Variants in FTO observed in about 807,000 individuals in gnomAD.
The protein encoded by FTO is FTO alpha-ketoglutarate dependent dioxygenase, also known as alpha-ketoglutarate-dependent dioxygenase FTO.
A neutral mutation model predicts 63.9 loss-of-function variants in FTO; 47 were observed. The observed-to-expected ratio is 0.74, with a 90% CI of 0.58 to 0.94. FTO has a LOEUF of 0.94. Ranked by LOEUF, FTO falls within the 40% of genes least tolerant of loss-of-function variation. FTO has a pLI of 0.00. For synonymous variants in FTO, 207 were observed against 224.4 expected (o/e 0.92, Z 0.69); for missense variants, 562 against 618.1 (o/e 0.91, Z 0.96).
intron 1 of FTO, among the ~76,000 whole-genome samples, chr16:53,718,993 C>T (rs1186494856): frequency 1.3e-5 from 2 of 152,096 alleles, no homozygotes; most frequent in East Asian, 3.8e-4. Context: ...ATTCAAGCTA[C>T]AGTTTGTAAA....
At chr16:54,014,450 G>A (rs1185860504) in intron 8 of FTO, among the ~76,000 whole-genome samples, 1 of 151,662 alleles carries the variant, frequency 6.6e-6, no homozygotes, top group Non-Finnish European at 1.5e-5. Context: ...GCTTCTCTTT[G>A]CCTTCCACCA....
intron 3 of FTO, among the ~76,000 whole-genome samples, chr16:53,828,874 GATTTT>G (rs2079075521): frequency 6.6e-6 from 1 of 152,070 alleles, no homozygotes; most frequent in Non-Finnish European, 1.5e-5. Context: ...CCGTCTCAGG[GATTTT>G]ATTTTATTAT....
chr16:53,849,728 A>G (rs1195654050), intron 4 of FTO, among the ~76,000 whole-genome samples: 4 of 152,228 alleles, frequency 2.6e-5, no homozygotes, highest in African/African-American at 9.6e-5. Context: ...GTAAATTGCC[A>G]TGCTTCTGTT....
At chr16:53,723,930 T>G (rs1331008761) in intron 1 of FTO, among the ~76,000 whole-genome samples, 1 of 152,204 alleles carries the variant, frequency 6.6e-6, no homozygotes, top group Non-Finnish European at 1.5e-5. Flanking sequence ...TTTGCCTGCT[T>G]TTGGATGTTG....
At chr16:53,812,576 G>A (rs919489969) in intron 2 of FTO, among the ~76,000 whole-genome samples, 6 of 152,086 alleles carry the variant, frequency 3.9e-5, no homozygotes, top group East Asian at 1.9e-4. Flanking sequence ...TCTGTACTTC[G>A]TTCAGTGCCG....
intron 7 of FTO, chr16:53,911,449 C>G: frequency 1.4e-6 from 1 of 703,060 alleles, no homozygotes; most frequent in Non-Finnish European, 2.6e-6. Flanking sequence ...GTGGCCATAC[C>G]GTTGCATTCA....
chr16:54,079,652 T>C (rs7206012), intron 8 of FTO, among the ~76,000 whole-genome samples: 23,508 of 152,084 alleles, frequency 0.15, 2,528 homozygotes, highest in African/African-American at 0.3. Flanking sequence ...TATAGCCCAA[T>C]AGACCGAATA....
intron 1 of FTO, among the ~76,000 whole-genome samples, chr16:53,804,387 C>A (rs962414925): frequency 7.9e-5 from 12 of 152,094 alleles, no homozygotes; most frequent in Non-Finnish European, 1.8e-4. Context: ...TGAGAATGAG[C>A]GAGTTTGCTT....
chr16:54,048,691 T>G (rs557201642), intron 8 of FTO, among the ~76,000 whole-genome samples: 143 of 152,298 alleles, frequency 9.4e-4, no homozygotes, highest in African/African-American at 3.2e-3. Flanking sequence ...AGATTAAACA[T>G]GAGCCCTCTC....
chr16:54,073,785 C>T (rs992700711), intron 8 of FTO, among the ~76,000 whole-genome samples: 1 of 152,030 alleles, frequency 6.6e-6, no homozygotes. Flanking sequence ...TTATAGAATA[C>T]TCATGTACAG....
intron 8 of FTO, chr16:53,998,535 C>T (rs1465816718): frequency 2.6e-5 from 4 of 152,174 alleles, no homozygotes; most frequent in Admixed American, 1.3e-4. Context: ...AATTGACTTA[C>T]GTAAAAAGAG....
intron 2 of FTO, among the ~76,000 whole-genome samples, chr16:53,822,898 C>T (rs528205654): frequency 2.6e-5 from 4 of 152,288 alleles, no homozygotes; most frequent in South Asian, 2.1e-4. Flanking sequence ...CTCTCTGCAT[C>T]GTCAGCCTCT....
chr16:53,707,040 T>A (rs1349727501), intron 1 of FTO, among the ~76,000 whole-genome samples: 1 of 152,214 alleles, frequency 6.6e-6, no homozygotes, highest in Non-Finnish European at 1.5e-5. Flanking sequence ...ATTACCAGTT[T>A]TCCGAAGTGA....
chr16:53,874,153 G>A (rs1469212087), intron 5 of FTO, among the ~76,000 whole-genome samples: 1 of 152,194 alleles, frequency 6.6e-6, no homozygotes, highest in Non-Finnish European at 1.5e-5. Context: ...TATTTAGAGG[G>A]TTGTATCTGT....
rs200296584 is a variant in FTO at position 54,099,859 on chromosome 16, G to A, written c.1365-11903G>A. ...TGCCTGCCTGGGGAGCCAAGTTGCC[G>A]CTCTACAGGACTCTACAGCGGCCTG... On this transcript the variant is annotated intron_variant, in intron 8 of 8. Transcript: ENST00000471389. Among the ~76,000 whole-genome samples, 14 of 152,238 alleles carry A rather than the reference G, an allele frequency of 9.2e-5. No homozygotes were observed. In the East Asian group the frequency reaches 1.2e-3, roughly 13 times the overall value.
intron 1 of FTO, among the ~76,000 whole-genome samples, chr16:53,730,608 A>G (rs2076250949): frequency 6.6e-6 from 1 of 151,922 alleles, no homozygotes; most frequent in Non-Finnish European, 1.5e-5. Context: ...GATCCTCCCA[A>G]CACAGCCTCG....
chr16:53,744,936 C>T (rs1464020629), intron 1 of FTO, among the ~76,000 whole-genome samples: 3 of 151,978 alleles, frequency 2.0e-5, no homozygotes, highest in Admixed American at 2.0e-4. Context: ...CAGTCTACTG[C>T]CTGTCATTAT....
intron 8 of FTO, among the ~76,000 whole-genome samples, chr16:54,051,933 G>A (rs575849981): frequency 6.6e-5 from 10 of 152,280 alleles, no homozygotes; most frequent in South Asian, 2.1e-4. Flanking sequence ...CTGGAACAAG[G>A]TTGTTTGATA....
intron 8 of FTO, among the ~76,000 whole-genome samples, chr16:54,030,406 G>T (rs2084801083): frequency 6.6e-6 from 1 of 152,172 alleles, no homozygotes; most frequent in African/African-American, 2.4e-5. Context: ...GGACTTCGTT[G>T]TATAAAAAGC....
Sources: gnomAD v4.1 joint callset for allele counts (sites outside exome capture counted in the v4.1 genomes callset) on GRCh38, gnomAD v4.1.1 for gene constraint, MANE v1.5 for transcripts, NCBI Gene and HGNC (gene_info 2026-07-23, HGNC 2026-07-21) for gene names.